Variants in ST8SIA1 observed in about 807,000 individuals in gnomAD.
ST8SIA1 encodes alpha-N-acetylneuraminide alpha-2,8-sialyltransferase.
Under a neutral mutation model 35.9 loss-of-function variants are expected in ST8SIA1, and 16 were observed. That is an observed-to-expected ratio of 0.45 (90% confidence interval 0.30 to 0.68). The LOEUF is 0.68. ST8SIA1 is among the 30% of genes least tolerant of loss of function. The pLI, the probability that ST8SIA1 is intolerant of heterozygous loss-of-function variation, is 0.09. For missense variants in ST8SIA1, 383 were observed against 453.6 expected, an observed-to-expected ratio of 0.84 and a Z score of 1.41; for synonymous variants, 170 against 169.6, an observed-to-expected ratio of 1.00 and a Z score of -0.02.
At chr12:22,209,596 A>C (rs1192951428) in intron 4 of ST8SIA1, among the ~76,000 whole-genome samples, 3 of 152,102 alleles carry the variant, frequency 2.0e-5, no homozygotes, top group Admixed American at 1.3e-4. Flanking sequence ...AAATATGCAC[A>C]CCTATTGACC....
intron 4 of ST8SIA1, among the ~76,000 whole-genome samples, chr12:22,216,057 G>C (rs976711): frequency 0.19 from 29,112 of 152,168 alleles, 3,090 homozygotes; most frequent in South Asian, 0.3. Context: ...ACGCTTTGCT[G>C]TATTACGTCA....
rs1415768489 is a variant in ST8SIA1, at chr12:22,334,470, A to G, written c.-238T>C. The G allele has an allele frequency of 1.1e-5, 6 of 567,822 alleles. No individual in the cohort carries two copies. The highest frequency in any genetic ancestry group is 1.9e-5 in the African/African-American group (1 of 53,086). The allele number at this position is 567,822 out of a possible 1,614,324, so 35.2% of individuals were successfully genotyped here. A position where few individuals can be genotyped will look rare whatever the true frequency, so the allele number is the denominator to read the frequency against. On this transcript the variant is annotated 5_prime_UTR_variant, in exon 1 of 5. Coordinates refer to ENST00000396037, the MANE Select transcript of ST8SIA1 (RefSeq NM_003034.4). ...GGAAGTGGCTGGGGGTGAAGTCACGATCTATGGCCATGGTCGCTTCCCCTG... is the reference window on the plus strand; with the variant it reads ...GGAAGTGGCTGGGGGTGAAGTCACGGTCTATGGCCATGGTCGCTTCCCCTG...
intron 2 of ST8SIA1, among the ~76,000 whole-genome samples, chr12:22,257,765 G>A (rs1247409875): frequency 6.6e-6 from 1 of 152,046 alleles, no homozygotes; most frequent in Non-Finnish European, 1.5e-5. Context: ...AGACTATTAG[G>A]GAGGTTGGGA....
chr12:22,273,407 AG>A (rs1865934497), intron 2 of ST8SIA1, among the ~76,000 whole-genome samples: 1 of 152,194 alleles, frequency 6.6e-6, no homozygotes. Flanking sequence ...GCCCATAAAA[AG>A]CCCCAGGCTC....
chr12:22,300,100 T>C (rs1208884724), intron 1 of ST8SIA1, among the ~76,000 whole-genome samples: 3 of 152,186 alleles, frequency 2.0e-5, no homozygotes, highest in Non-Finnish European at 2.9e-5. Context: ...ATTAAGGTTA[T>C]TACATCTGTG....
chr12:22,320,991 GAA>G (rs1412288314), intron 1 of ST8SIA1, among the ~76,000 whole-genome samples: 2,957 of 114,388 alleles, frequency 0.026, 66 homozygotes, highest in Middle Eastern at 0.046. Context: ...AAGAAAGAAA[GAA>G]AGAAAGAAAG....
At chr12:22,275,447 C>T (rs758855643) in intron 2 of ST8SIA1, among the ~76,000 whole-genome samples, 5 of 151,872 alleles carry the variant, frequency 3.3e-5, no homozygotes, top group South Asian at 2.1e-4. Flanking sequence ...CCCAGCTACT[C>T]GGAGGCTGAG....
chr12:22,270,657 T>A (rs536232536), intron 2 of ST8SIA1, among the ~76,000 whole-genome samples: 49 of 152,024 alleles, frequency 3.2e-4, no homozygotes, highest in African/African-American at 1.2e-3. Context: ...CTCAGAAAGG[T>A]AAAGGGGTGA....
chr12:22,326,900 A>C (rs1866689060), intron 1 of ST8SIA1, among the ~76,000 whole-genome samples: 1 of 152,202 alleles, frequency 6.6e-6, no homozygotes, highest in African/African-American at 2.4e-5. Flanking sequence ...TTAATGATAC[A>C]TAGTATCATT....
chr12:22,223,859 T>C, intron 4 of ST8SIA1: 1 of 1,083,958 alleles, frequency 9.2e-7, no homozygotes, highest in Non-Finnish European at 1.1e-6. Context: ...TTTCTAATTG[T>C]GCAAAATAAT....
intron 4 of ST8SIA1, among the ~76,000 whole-genome samples, chr12:22,243,509 A>G (rs1189109905): frequency 6.6e-6 from 1 of 152,176 alleles, no homozygotes; most frequent in East Asian, 1.9e-4. Context: ...AAGTGTTTGC[A>G]CTTTGTTTAC....
intron 4 of ST8SIA1, among the ~76,000 whole-genome samples, chr12:22,208,260 T>C (rs1460224462): frequency 6.6e-6 from 1 of 152,216 alleles, no homozygotes; most frequent in East Asian, 1.9e-4. Flanking sequence ...CACACTGCAT[T>C]AGAAAAATTT....
chr12:22,261,764 G>A (rs1865794827), intron 2 of ST8SIA1, among the ~76,000 whole-genome samples: 1 of 152,140 alleles, frequency 6.6e-6, no homozygotes, highest in African/African-American at 2.4e-5. Flanking sequence ...TTGCTTCTGA[G>A]ATACCCCTTA....
chr12:22,331,404 T>C lies in ST8SIA1; in HGVS notation c.236+2593A>G, dbSNP rs183885049. On this transcript the variant is annotated intron_variant, in intron 1 of 4. Coordinates refer to ENST00000396037, the MANE Select transcript of ST8SIA1 (RefSeq NM_003034.4). ...GACTGATTGCAAATGTTTGTATTTATGTATGTATACACATCTATATTTTTA... is the reference window on the plus strand; with the variant it reads ...GACTGATTGCAAATGTTTGTATTTACGTATGTATACACATCTATATTTTTA... 4.6e-5 allele frequency among the ~76,000 whole-genome samples: 7 copies of C among 152,368 alleles called. No individual in the cohort carries two copies. In the South Asian group the frequency reaches 6.2e-4, roughly 14 times the overall value.
rs903086718 is a variant in ST8SIA1 at position 22,211,750 on chromosome 12, C to T, written c.585-9712G>A. Reference sequence around the variant, plus strand: ...TGAGATGGCGTCTCGCTCACTCTGTCGCCCAGACTGGAGTGCAGTGGTGCA... The same window carrying T: ...TGAGATGGCGTCTCGCTCACTCTGTTGCCCAGACTGGAGTGCAGTGGTGCA... On this transcript the variant is annotated intron_variant, in intron 4 of 4. Coordinates refer to ENST00000396037, the MANE Select transcript of ST8SIA1 (RefSeq NM_003034.4). Among the ~76,000 whole-genome samples the T allele has an allele frequency of 6.6e-5, 10 of 152,258 alleles. No individual in the cohort carries two copies. The South Asian group carries it at 1.5e-3, about 22-fold the overall frequency.
chr12:22,227,461 C>T (rs890732430), intron 4 of ST8SIA1, among the ~76,000 whole-genome samples: 3 of 151,858 alleles, frequency 2.0e-5, no homozygotes, highest in African/African-American at 7.3e-5. Flanking sequence ...GTAATCCCAG[C>T]TACTCGGGAG....
rs1215787486 is a variant in ST8SIA1, at chr12:22,334,705, A to ACCC, written c.-474_-473insGGG. On this transcript the variant is annotated 5_prime_UTR_variant, in exon 1 of 5. Transcript: ENST00000396037. ...CTCCCGCGCTGCTGCGCCGCCAGGC[A>ACCC]ACCCCCCCCCCCCCACCCCGCCCCG... The ACCC allele has an allele frequency of 2.3e-5, 1 of 43,806 alleles. No homozygotes were observed. Among genetic ancestry groups the ACCC allele is most frequent in the African/African-American group, 1.0e-4 (1 of 9,818 alleles). The allele number at this position is 43,806 out of a possible 1,614,324, so 2.7% of individuals were successfully genotyped here.
At position 22,196,980 on chromosome 12, in the gene ST8SIA1, T is replaced by C. The variant is rs536541675; in HGVS notation, c.*4572A>G. The C allele has an allele frequency of 6.6e-6, 1 of 152,242 alleles. No homozygotes were observed. The highest frequency in any genetic ancestry group is 2.4e-5 in the African/African-American group (1 of 41,514). 9.4% of individuals were successfully genotyped at this position (152,242 alleles called of 1,614,324 possible). A position where few individuals can be genotyped will look rare whatever the true frequency, so the allele number is the denominator to read the frequency against. On this transcript the variant is annotated 3_prime_UTR_variant, in exon 5 of 5. Coordinates refer to ENST00000396037, the MANE Select transcript of ST8SIA1 (RefSeq NM_003034.4). Reference sequence around the variant, plus strand: ...TAAGGGTAGAGAGCACTCTGCCCTTTTACATCCTGAGAGTGTGGGGATAGG... The same window carrying C: ...TAAGGGTAGAGAGCACTCTGCCCTTCTACATCCTGAGAGTGTGGGGATAGG...
rs570193216 is a variant in ST8SIA1 at position 22,292,239 on chromosome 12, A to G, written c.237-4946T>C. On this transcript the variant is annotated intron_variant, in intron 1 of 4. Coordinates refer to ENST00000396037, the MANE Select transcript of ST8SIA1 (RefSeq NM_003034.4). ...GAATAAATACTCCAAAAATAATATC[A>G]TGAGAAATCATCTTTGATCCAATCA... Among the ~76,000 whole-genome samples the G allele has an allele frequency of 8.3e-4, 127 of 152,214 alleles. 1 individual carries two copies. The highest frequency in any genetic ancestry group is 1.4e-3 in the Non-Finnish European group (98 of 68,022).
Sources: allele counts gnomAD v4.1 joint callset (sites outside exome capture counted in the v4.1 genomes callset), GRCh38; gene constraint gnomAD v4.1.1; transcripts MANE v1.5; gene names NCBI Gene and HGNC (gene_info 2026-07-23, HGNC 2026-07-21).